Variants in EIF2A observed in about 807,000 individuals in gnomAD.
EIF2A encodes the protein eukaryotic translation initiation factor 2A, also known as 65 kDa eukaryotic translation initiation factor 2A.
Under a neutral mutation model 75.2 loss-of-function variants are expected in EIF2A, and 62 were observed. The observed-to-expected ratio is 0.82, with a 90% CI of 0.67 to 1.02. The LOEUF is 1.02. EIF2A is among the 50% of genes least tolerant of loss of function. The probability of loss-of-function intolerance (pLI) is 0.00; values close to 1 mark genes in which losing one functional copy is unlikely to be tolerated. For missense variants in EIF2A, 611 were observed against 677.7 expected (o/e 0.90, Z 1.09); for synonymous variants, 207 against 239.0 (o/e 0.87, Z 1.23).
In EIF2A at chr3:150,584,067, A is replaced by G. The variant is rs535471633; in HGVS notation, c.*156A>G. The G allele has an allele frequency of 1.1e-5, 7 of 639,436 alleles. No homozygotes were observed. The African/African-American group carries it at 1.1e-4, about 10-fold the overall frequency. The allele number at this position is 639,436 out of a possible 1,614,324, so 39.6% of individuals were successfully genotyped here. On this transcript the variant is annotated 3_prime_UTR_variant, in exon 14 of 14. Transcript: ENST00000460851. ...ATTCTACTAAGTGTAAAATTATTTA[A>G]TAATGTCTATTAAATTGATATTTAT...
chr3:150,547,140 T>C (rs1576583662), intron 1 of EIF2A: 2 of 434,016 alleles, frequency 4.6e-6, no homozygotes. Context: ...GGGTCTGCAA[T>C]ACTGGTGTTA....
At chr3:150,580,447 TG>T (rs541330405) in intron 11 of EIF2A, among the ~76,000 whole-genome samples, 73 of 152,174 alleles carry the variant, frequency 4.8e-4, no homozygotes, top group Non-Finnish European at 6.5e-4. Flanking sequence ...CTAATGGTGT[TG>T]TATTCACCCT....
chr3:150,584,210 C>A lies in EIF2A; in HGVS notation c.*299C>A. 1 of 253,302 alleles carries A rather than the reference C, an allele frequency of 3.9e-6. No homozygotes were observed. The allele number at this position is 253,302 out of a possible 1,614,324, so 15.7% of individuals were successfully genotyped here. A position where few individuals can be genotyped will look rare whatever the true frequency, so the allele number is the denominator to read the frequency against. On this transcript the variant is annotated 3_prime_UTR_variant, in exon 14 of 14. Transcript: ENST00000460851. ...TTTTTTTTGTAGAGGGTGATATATACCATGTAAATGAACAAAGACATTTTA... is the reference window on the plus strand; with the variant it reads ...TTTTTTTTGTAGAGGGTGATATATAACATGTAAATGAACAAAGACATTTTA...
At chr3:150,574,928 G>A (rs751463129) in intron 10 of EIF2A, among the ~76,000 whole-genome samples, 1 of 152,192 alleles carries the variant, frequency 6.6e-6, no homozygotes, top group Non-Finnish European at 1.5e-5. Flanking sequence ...ATAGAGAGTT[G>A]TAGTGCCATC....
At chr3:150,562,500 A>C (rs537171135) in intron 3 of EIF2A, 42 bp from the exon 4 acceptor site, 2 of 1,470,880 alleles carry the variant, frequency 1.4e-6, no homozygotes, top group Admixed American at 1.9e-5. Context: ...TGACTACTAT[A>C]AAACAGTATT....
At chr3:150,573,826 C>CACCTTTATTATATAT (rs1724686643) in intron 10 of EIF2A, among the ~76,000 whole-genome samples, 2 of 151,974 alleles carry the variant, frequency 1.3e-5, no homozygotes, top group African/African-American at 2.4e-5. Flanking sequence ...TCGTCCCTCA[C>CACCTTTATTATATAT]AGAAAAAAGT....
chr3:150,565,096 G>A (rs1281831655), intron 6 of EIF2A: 3 of 439,360 alleles, frequency 6.8e-6, no homozygotes, highest in Non-Finnish European at 1.4e-5. Flanking sequence ...AAGAAACAAG[G>A]TTATTTGTCT....
intron 7 of EIF2A, 22 bp from the exon 8 acceptor site, chr3:150,567,877 AATG>A: frequency 6.3e-7 from 1 of 1,581,428 alleles, no homozygotes; most frequent in Non-Finnish European, 8.5e-7. Context: ...AAAATTAAGT[AATG>A]ATTTATGTCT....
At chr3:150,559,450 G>A (rs1404689594) in intron 3 of EIF2A, among the ~76,000 whole-genome samples, 4 of 150,214 alleles carry the variant, frequency 2.7e-5, no homozygotes, top group Admixed American at 6.6e-5. Flanking sequence ...CTCCTGCCTC[G>A]GCCTCCCGAA....
intron 11 of EIF2A, 31 bp from the exon 12 acceptor site, chr3:150,581,587 A>T (rs1382135099): frequency 1.9e-6 from 3 of 1,545,930 alleles, no homozygotes; most frequent in Non-Finnish European, 8.7e-7. Context: ...TTTGGCTTTT[A>T]AAATTGAATT....
At position 150,585,239 on chromosome 3, in the gene EIF2A, G is replaced by A. The variant is rs1309541619; in HGVS notation, c.*1328G>A. Reference sequence around the variant, plus strand: ...TGTACTCCCTTAAAATATTCTGGAGGCCAGGCATGCTGGCTCACACCTGTA... The same window carrying A: ...TGTACTCCCTTAAAATATTCTGGAGACCAGGCATGCTGGCTCACACCTGTA... On this transcript the variant is annotated 3_prime_UTR_variant, in exon 14 of 14. Coordinates refer to ENST00000460851, the MANE Select transcript of EIF2A (RefSeq NM_032025.5). Among the ~76,000 whole-genome samples, 1 of 152,108 alleles carries A rather than the reference G, an allele frequency of 6.6e-6. No individual in the cohort carries two copies. The highest frequency in any genetic ancestry group is 1.5e-5 in the Non-Finnish European group (1 of 68,012).
In EIF2A at chr3:150,564,389, A is replaced by C. The variant is rs1429772029; in HGVS notation, c.475+8A>C. On this transcript the variant is annotated splice_region_variant and intron_variant, in intron 6 of 13. Coordinates refer to ENST00000460851, the MANE Select transcript of EIF2A (RefSeq NM_032025.5). ...TTGAAAACAACAATTTTAGTATGGAAAGATTTATGACATAATTTTATTACT... is the reference window on the plus strand; with the variant it reads ...TTGAAAACAACAATTTTAGTATGGACAGATTTATGACATAATTTTATTACT... 6.3e-7 allele frequency: 1 copy of C among 1,574,820 alleles called. No homozygotes were observed. The highest frequency in any genetic ancestry group is 8.6e-7 in the Non-Finnish European group (1 of 1,161,824).
intron 9 of EIF2A, 107 bp from the exon 10 acceptor site, chr3:150,571,848 ATTT>A (rs1234830452): frequency 1.0e-6 from 1 of 965,792 alleles, no homozygotes; most frequent in Non-Finnish European, 1.5e-6. Flanking sequence ...ATTCCTTGAA[ATTT>A]TTTTATCTGT....
rs1353172089 is a variant in EIF2A, at chr3:150,567,930, G to A, written c.578G>A (p.Gly193Asp). ...KVAVYVPGSK[G>D]APSFVRLYQY... ...GCTGTCTATGTTCCAGGAAGTAAAG[G>A]TGCACCTTCATTTGTTAGATTATAT... The change falls in exon 8 of 14, where the codon GGT (glycine) becomes GAT (aspartate). Residue 193 changes from glycine (G) to aspartate (D), a missense_variant. Transcript: ENST00000460851. 2 of 1,611,452 alleles carry A rather than the reference G, an allele frequency of 1.2e-6. No individual in the cohort carries two copies. The highest frequency in any genetic ancestry group is 2.7e-5 in the African/African-American group (2 of 74,762).
chr3:150,557,317 C>G (rs1250570513), intron 2 of EIF2A, among the ~76,000 whole-genome samples: 1 of 151,994 alleles, frequency 6.6e-6, no homozygotes, highest in Non-Finnish European at 1.5e-5. Flanking sequence ...AAAATTCTGC[C>G]GTAAGGTTCA....
At chr3:150,561,940 G>A (rs1259353166) in intron 3 of EIF2A, among the ~76,000 whole-genome samples, 1 of 151,766 alleles carries the variant, frequency 6.6e-6, no homozygotes, top group African/African-American at 2.4e-5. Flanking sequence ...TGTAGTGTTA[G>A]TAGAGACAGA....
rs1357087843 is a variant in EIF2A at position 150,581,603 on chromosome 3, A to T, written c.1498-15A>T. On this transcript the variant is annotated splice_polypyrimidine_tract_variant and intron_variant, in intron 11 of 13. Coordinates refer to ENST00000460851, the MANE Select transcript of EIF2A (RefSeq NM_032025.5). ...TTGGCTTTTAAAATTGAATTTAAAA[A>T]AATATTTCCTGCAGGAAGCAAGAAG... The T allele has an allele frequency of 4.5e-6, 7 of 1,547,344 alleles. No homozygotes were observed. The African/African-American group carries it at 6.9e-5, about 15-fold the overall frequency.
intron 6 of EIF2A, 35 bp from the exon 7 acceptor site, chr3:150,567,658 C>T: frequency 1.4e-6 from 2 of 1,387,492 alleles, no homozygotes; most frequent in Middle Eastern, 2.5e-4. Flanking sequence ...TTTAGGTTCT[C>T]TCATCAATCT....
intron 2 of EIF2A, 35 bp from the exon 3 acceptor site, chr3:150,558,353 T>C: frequency 6.9e-7 from 1 of 1,458,852 alleles, no homozygotes. Context: ...TATTAATGCT[T>C]ATTCATTTAA....
Sources: allele counts gnomAD v4.1 joint callset (sites outside exome capture counted in the v4.1 genomes callset), GRCh38; gene constraint gnomAD v4.1.1; transcripts MANE v1.5; gene names NCBI Gene and HGNC (gene_info 2026-07-23, HGNC 2026-07-21).